RORA: variants seen among roughly 807,000 people sequenced by gnomAD.
The protein encoded by RORA is RAR related orphan receptor A.
RORA carries 7 observed loss-of-function variants against 69.5 expected under a neutral mutation model. The ratio of observed to expected loss-of-function variants is 0.10; its 90% CI spans 0.06 to 0.19. The LOEUF is 0.19. Among genes scored for constraint, RORA ranks in the 10% least tolerant of loss-of-function variants. RORA has a pLI of 1.00. For synonymous variants in RORA, 261 were observed against 240.8 expected, an observed-to-expected ratio of 1.08 and a Z score of -0.78; for missense variants, 457 against 663.0, an observed-to-expected ratio of 0.69 and a Z score of 3.41.
chr15:60,732,002 G>T (rs943516170), intron 1 of RORA, among the ~76,000 whole-genome samples: 1 of 152,180 alleles, frequency 6.6e-6, no homozygotes, highest in Non-Finnish European at 1.5e-5. Flanking sequence ...CGAAGGGAGA[G>T]CATTGAGTAA....
chr15:60,985,748 C>T (rs1214929824), intron 1 of RORA, among the ~76,000 whole-genome samples: 1 of 151,968 alleles, frequency 6.6e-6, no homozygotes, highest in African/African-American at 2.4e-5. Context: ...CCATGCCCAG[C>T]TAATTTTTGT....
rs559505034 is a variant in RORA at position 60,924,226 on chromosome 15, A to C, written c.167-245540T>G. ...TTTTCTGAGGCAGAAGATGTGACCA[A>C]TATAGGTGCTGGGAGAACGGAAGGA... On this transcript the variant is annotated intron_variant, in intron 1 of 10. Transcript: ENST00000335670. Among the ~76,000 whole-genome samples, 3 of 151,886 alleles carry C rather than the reference A, an allele frequency of 2.0e-5. No individual in the cohort carries two copies. In the South Asian group the frequency reaches 6.3e-4, roughly 32 times the overall value.
chr15:60,969,339 T>A (rs1042570669), intron 1 of RORA, among the ~76,000 whole-genome samples: 2 of 152,250 alleles, frequency 1.3e-5, no homozygotes, highest in African/African-American at 4.8e-5. Flanking sequence ...TTTTGTATAT[T>A]AGGTTATAAT....
At position 60,608,484 on chromosome 15, in the gene RORA, G is replaced by A. The variant is rs28621652; in HGVS notation, c.196+70173C>T. On this transcript the variant is annotated intron_variant, in intron 2 of 10. Transcript: ENST00000335670. ...GGCCTCTGGTTCAGCAGATCACACC[G>A]CTGATGGTAGAGCTGGGACTTGAAC... Among the ~76,000 whole-genome samples, 548 of 152,228 alleles carry A rather than the reference G, an allele frequency of 3.6e-3. 6 individuals are homozygous for A. Among genetic ancestry groups the A allele is most frequent in the African/African-American group, 0.012 (479 of 41,522 alleles).
At chr15:61,055,578 C>T (rs1432528515) in intron 1 of RORA, among the ~76,000 whole-genome samples, 1 of 152,154 alleles carries the variant, frequency 6.6e-6, no homozygotes, top group African/African-American at 2.4e-5. Flanking sequence ...CATTATTAGG[C>T]CCACCCTACA....
At chr15:60,956,861 G>A (rs1893280684) in intron 1 of RORA, among the ~76,000 whole-genome samples, 1 of 152,208 alleles carries the variant, frequency 6.6e-6, no homozygotes, top group Non-Finnish European at 1.5e-5. Context: ...TAGGGACATA[G>A]CTCAAGCACT....
At chr15:60,943,564 T>G (rs975625108) in intron 1 of RORA, among the ~76,000 whole-genome samples, 10 of 142,566 alleles carry the variant, frequency 7.0e-5, no homozygotes, top group Non-Finnish European at 1.5e-4. Context: ...TGGACCCGCA[T>G]TCAGTTCTAT....
At position 60,592,629 on chromosome 15, in the gene RORA, G is replaced by GGGCGGGA. The variant is rs371824358; in HGVS notation, c.197-60785_197-60779dup. 6.8e-4 allele frequency: 774 copies of GGGCGGGA among 1,131,076 alleles called. 1 individual carries two copies. Among genetic ancestry groups the GGGCGGGA allele is most frequent in the Admixed American group, 2.5e-3 (51 of 20,108 alleles). The allele number at this position is 1,131,076 out of a possible 1,614,324, so 70.1% of individuals were successfully genotyped here. A position where few individuals can be genotyped will look rare whatever the true frequency, so the allele number is the denominator to read the frequency against. On this transcript the variant is annotated intron_variant, in intron 2 of 10. Transcript: ENST00000335670. ...CACCGCGCCCCTCCGCTTCCTCCCG[G>GGGCGGGA]GGCGGGAGGCGGGAGGCGGGAGGCG... is the stretch of plus-strand genomic sequence containing the variant.
At chr15:61,133,489 A>C (rs1194113967) in intron 1 of RORA, among the ~76,000 whole-genome samples, 1 of 152,232 alleles carries the variant, frequency 6.6e-6, no homozygotes, top group Non-Finnish European at 1.5e-5. Context: ...AGCATCTATG[A>C]GGATAAAGAA....
chr15:60,818,939 A>G (rs1174213919), intron 1 of RORA, among the ~76,000 whole-genome samples: 1 of 152,206 alleles, frequency 6.6e-6, no homozygotes, highest in Non-Finnish European at 1.5e-5. Flanking sequence ...CAGCCAAAGG[A>G]AGGCCAAGAG....
Position 60,748,045 on chromosome 15 carries a change from G to A in RORA, c.167-69359C>T, listed in dbSNP as rs566233746. Among the ~76,000 whole-genome samples the A allele has an allele frequency of 2.4e-4, 37 of 152,228 alleles. No individual in the cohort carries two copies. In the East Asian group the frequency reaches 6.4e-3, roughly 26 times the overall value. On this transcript the variant is annotated intron_variant, in intron 1 of 10. Coordinates refer to ENST00000335670, the MANE Select transcript of RORA (RefSeq NM_134261.3). ...GCTTCAGTTACAAGCAAACTTGCTC[G>A]CCCCATGGTCTTAATCTCCAGCAAA...
At chr15:60,721,229 T>C (rs1222781837) in intron 1 of RORA, among the ~76,000 whole-genome samples, 1 of 152,130 alleles carries the variant, frequency 6.6e-6, no homozygotes, top group Non-Finnish European at 1.5e-5. Context: ...AATGACCTCA[T>C]TAAGCTGCAC....
chr15:61,227,889 A>T (rs892952320), intron 1 of RORA, among the ~76,000 whole-genome samples: 7 of 152,162 alleles, frequency 4.6e-5, no homozygotes, highest in African/African-American at 1.7e-4. Flanking sequence ...GTTCTTTGCA[A>T]ACTCCAGGCG....
chr15:61,164,339 C>T (rs553084499), intron 1 of RORA, among the ~76,000 whole-genome samples: 2 of 152,142 alleles, frequency 1.3e-5, no homozygotes, highest in Non-Finnish European at 2.9e-5. Context: ...GACCACTCTA[C>T]TCCAGGCTTA....
At chr15:60,957,808 G>A (rs182715985) in intron 1 of RORA, among the ~76,000 whole-genome samples, 1 of 152,262 alleles carries the variant, frequency 6.6e-6, no homozygotes, top group Admixed American at 6.5e-5. Context: ...TTATCCTAGT[G>A]AACTGCTACA....
chr15:60,507,806 A>T (rs1373701780), intron 5 of RORA, among the ~76,000 whole-genome samples: 2 of 152,200 alleles, frequency 1.3e-5, no homozygotes, highest in Non-Finnish European at 2.9e-5. Context: ...CTGTGGAGTG[A>T]AGGATGAGAA....
chr15:61,179,814 CAT>C (rs1159377806), intron 1 of RORA, among the ~76,000 whole-genome samples: 3 of 152,092 alleles, frequency 2.0e-5, no homozygotes, highest in African/African-American at 7.2e-5. Context: ...CCTGCTTACA[CAT>C]GATTTAAAAG....
At chr15:60,596,574 G>A (rs990492270) in intron 2 of RORA, among the ~76,000 whole-genome samples, 1 of 152,016 alleles carries the variant, frequency 6.6e-6, no homozygotes, top group East Asian at 1.9e-4. Context: ...AACTAACCTA[G>A]AAGAGATCAC....
At chr15:60,878,170 CAAAAAAAAAAA>C (rs11362081) in intron 1 of RORA, among the ~76,000 whole-genome samples, 5 of 69,680 alleles carry the variant, frequency 7.2e-5, no homozygotes, top group South Asian at 6.2e-4. Flanking sequence ...ACTAAAAATA[CAAAAAAAAAAA>C]AAAAAAAAAA....
Sources: gnomAD v4.1 joint callset for allele counts (sites outside exome capture counted in the v4.1 genomes callset) on GRCh38, gnomAD v4.1.1 for gene constraint, MANE v1.5 for transcripts, NCBI Gene and HGNC (gene_info 2026-07-23, HGNC 2026-07-21) for gene names.